The following PAX7 variants were observed in gnomAD, a reference collection of about 807,000 sequenced individuals.
The protein encoded by PAX7 is paired box 7.
A neutral mutation model predicts 50.7 loss-of-function variants in PAX7; 18 were observed. The observed-to-expected ratio is 0.36, with a 90% CI of 0.25 to 0.53. The LOEUF is 0.53. Among genes scored for constraint, PAX7 ranks in the 20% least tolerant of loss-of-function variants. The pLI, the probability that PAX7 is intolerant of heterozygous loss-of-function variation, is 0.93. For synonymous variants in PAX7, 310 were observed against 290.4 expected (o/e 1.07, Z -0.69); for missense variants, 644 against 702.9 (o/e 0.92, Z 0.95).
intron 6 of PAX7, among the ~76,000 whole-genome samples, chr1:18,701,463 C>T (rs1450429770): frequency 6.7e-6 from 1 of 149,344 alleles, no homozygotes; most frequent in Non-Finnish European, 1.5e-5. Flanking sequence ...TGCATGTGCA[C>T]GTGTGTGTGT....
At chr1:18,653,390 C>T (rs1557511065) in intron 4 of PAX7, among the ~76,000 whole-genome samples, 2 of 152,028 alleles carry the variant, frequency 1.3e-5, no homozygotes, top group African/African-American at 4.8e-5. Flanking sequence ...GCTGTGTACG[C>T]ACGGTTACAG....
intron 8 of PAX7, among the ~76,000 whole-genome samples, chr1:18,736,575 T>C (rs1257509794): frequency 6.6e-6 from 1 of 152,146 alleles, no homozygotes. Flanking sequence ...AATTCATATA[T>C]AATTATTGAG....
intron 7 of PAX7, among the ~76,000 whole-genome samples, chr1:18,727,591 A>G (rs540782064): frequency 3.3e-5 from 5 of 152,246 alleles, no homozygotes; most frequent in African/African-American, 1.2e-4. Flanking sequence ...CAGTTTTCTC[A>G]TCTGAAAAAT....
chr1:18,708,353 A>C (rs929907377), intron 7 of PAX7, among the ~76,000 whole-genome samples: 2 of 152,044 alleles, frequency 1.3e-5, no homozygotes, highest in African/African-American at 4.8e-5. Flanking sequence ...GTCAGAGTTC[A>C]AGACCAGCCT....
At position 18,675,842 on chromosome 1, in the gene PAX7, G is replaced by A. The variant is rs114312446; in HGVS notation, c.587-15912G>A. 9.6e-3 allele frequency among the ~76,000 whole-genome samples: 1,455 copies of A among 152,030 alleles called. 19 individuals are homozygous for A. Among genetic ancestry groups the A allele is most frequent in the African/African-American group, 0.034 (1,398 of 41,458 alleles). On this transcript the variant is annotated intron_variant, in intron 4 of 8. Transcript: ENST00000420770. ...ACTTCTTCTCTTGGTGGTGTCTCGG[G>A]GGCCAGGAGTCCCGGCAGCGGGGAG... is the stretch of plus-strand genomic sequence containing the variant.
chr1:18,670,061 T>G (rs1235817031), intron 4 of PAX7, among the ~76,000 whole-genome samples: 3 of 120,806 alleles, frequency 2.5e-5, no homozygotes, highest in African/African-American at 1.0e-4. Context: ...CCAGTCTGGG[T>G]GACAGAGTGA....
chr1:18,682,564 C>G (rs182927929), intron 4 of PAX7, among the ~76,000 whole-genome samples: 2 of 152,132 alleles, frequency 1.3e-5, no homozygotes, highest in Non-Finnish European at 2.9e-5. Context: ...CTGAAGTGGG[C>G]GGGACTCCAG....
In PAX7 at chr1:18,634,437, C is replaced by T. The variant is rs1176071790; in HGVS notation, c.220C>T (p.Arg74Ter). 5 of 1,614,204 alleles carry T rather than the reference C, an allele frequency of 3.1e-6. No homozygotes were observed. Among genetic ancestry groups the T allele is most frequent in the Non-Finnish European group, 2.5e-6 (3 of 1,180,050 alleles). ...TGGCATCCGGCCCTGTGTCATCTCCCGACAGCTGCGTGTCTCCCACGGCTG... is the reference window on the plus strand; with the variant it reads ...TGGCATCCGGCCCTGTGTCATCTCCTGACAGCTGCGTGTCTCCCACGGCTG... ...HHGIRPCVIS[R>*]QLRVSHGCVS... is the part of the protein sequence containing the mutation. The change falls in exon 2 of 9, where the codon CGA becomes TGA. Residue 74 changes from arginine (R) to a stop codon, truncating the protein, a stop_gained. Coordinates refer to ENST00000420770, the MANE Select transcript of PAX7 (RefSeq NM_001135254.2). LOFTEE classifies it high-confidence loss of function. The surrounding 1 kb of genome is among the most constrained non-coding windows in gnomAD (Gnocchi z 4.0).
intron 4 of PAX7, among the ~76,000 whole-genome samples, chr1:18,658,018 T>C (rs1004709253): frequency 6.6e-6 from 1 of 152,130 alleles, no homozygotes; most frequent in African/African-American, 2.4e-5. Context: ...AATGGCCCTC[T>C]TTAGAGTGAC....
intron 4 of PAX7, among the ~76,000 whole-genome samples, chr1:18,637,584 A>G (rs916521630): frequency 1.3e-5 from 2 of 152,154 alleles, no homozygotes; most frequent in African/African-American, 4.8e-5. Flanking sequence ...CTCACGACCC[A>G]AGCACTCCTA....
chr1:18,710,224 T>G (rs1298632018), intron 7 of PAX7, among the ~76,000 whole-genome samples: 1 of 152,154 alleles, frequency 6.6e-6, no homozygotes. Flanking sequence ...ACAGAGCAGG[T>G]GAGTGATGGA....
At chr1:18,633,075 G>C (rs2088082986) in intron 1 of PAX7, among the ~76,000 whole-genome samples, 1 of 152,156 alleles carries the variant, frequency 6.6e-6, no homozygotes. Flanking sequence ...GAGACCGAGT[G>C]ACTCCGACTT....
intron 7 of PAX7, among the ~76,000 whole-genome samples, chr1:18,703,807 A>T (rs924583830): frequency 2.6e-5 from 4 of 152,094 alleles, no homozygotes; most frequent in Non-Finnish European, 1.5e-5. Flanking sequence ...GGGGGAAGGG[A>T]TGAAGTGCCC....
chr1:18,732,673 G>A (rs2089660927), intron 7 of PAX7, among the ~76,000 whole-genome samples: 1 of 152,252 alleles, frequency 6.6e-6, no homozygotes. Context: ...TTTGCTGAGA[G>A]ATAATGGGGA....
intron 4 of PAX7, among the ~76,000 whole-genome samples, chr1:18,648,971 T>C (rs2088390509): frequency 6.6e-6 from 1 of 152,134 alleles, no homozygotes; most frequent in South Asian, 2.1e-4. Context: ...AAGCAGCCCA[T>C]TCCCAGACTC....
chr1:18,725,946 G>C (rs1392716219), intron 7 of PAX7, among the ~76,000 whole-genome samples: 1 of 152,244 alleles, frequency 6.6e-6, no homozygotes, highest in Non-Finnish European at 1.5e-5. Context: ...CAGAAATTTG[G>C]AGATTGACAT....
rs1570254845 is a variant in PAX7 at position 18,745,374 on chromosome 1, T to G, written c.*445T>G. On this transcript the variant is annotated 3_prime_UTR_variant, in exon 9 of 9. Transcript: ENST00000420770. ...CAGGGCTGCTCTCAGCTGGATGTAC[T>G]GGGAGCCAGCCCTGCAAGGAGGGTC... 4.0e-6 allele frequency: 1 copy of G among 247,256 alleles called. No homozygotes were observed. The highest frequency in any genetic ancestry group is 4.9e-5 in the Admixed American group (1 of 20,238). 15.3% of individuals were successfully genotyped at this position (247,256 alleles called of 1,614,324 possible). A position where few individuals can be genotyped will look rare whatever the true frequency, so the allele number is the denominator to read the frequency against.
chr1:18,636,462 G>T lies in PAX7; in HGVS notation c.586+91G>T, dbSNP rs748562893. The T allele has an allele frequency of 4.8e-6, 7 of 1,465,474 alleles. No individual in the cohort carries two copies. The highest frequency in any genetic ancestry group is 6.5e-6 in the Non-Finnish European group (7 of 1,077,868). 90.8% of individuals were successfully genotyped at this position (1,465,474 alleles called of 1,614,324 possible). A position where few individuals can be genotyped will look rare whatever the true frequency, so the allele number is the denominator to read the frequency against. On this transcript the variant is annotated intron_variant, in intron 4 of 8. Transcript: ENST00000420770. The surrounding 1 kb of genome is among the most constrained non-coding windows in gnomAD (Gnocchi z 5.1). ...GTGGTTCGCTCCCGCCGCCGGAGCAGGCGACCAGAACTCCAGCGGAGAAAC... is the reference window on the plus strand; with the variant it reads ...GTGGTTCGCTCCCGCCGCCGGAGCATGCGACCAGAACTCCAGCGGAGAAAC...
intron 4 of PAX7, among the ~76,000 whole-genome samples, chr1:18,676,579 AGAGGGGGATTGGGGGATCCTGG>A (rs1252946537): frequency 6.6e-6 from 1 of 151,966 alleles, no homozygotes; most frequent in Non-Finnish European, 1.5e-5. Context: ...TAAGAGGAAA[AGAGGGGGATTGGGGGATCCTGG>A]GAGGCAGGGC....
Sources: allele counts gnomAD v4.1 joint callset (sites outside exome capture counted in the v4.1 genomes callset), GRCh38; gene constraint gnomAD v4.1.1; non-coding constraint Gnocchi (gnomAD v3.1); transcripts MANE v1.5; gene names NCBI Gene and HGNC (gene_info 2026-07-23, HGNC 2026-07-21).